The following KIFAP3 variants were observed in gnomAD, a reference collection of about 807,000 sequenced individuals.
KIFAP3 encodes kinesin associated protein 3, also known as kinesin-associated protein 3.
Under a neutral mutation model 106.5 loss-of-function variants are expected in KIFAP3, and 68 were observed. The ratio of observed to expected loss-of-function variants is 0.64; its 90% confidence interval spans 0.53 to 0.78. The LOEUF (loss-of-function observed/expected upper bound fraction) is 0.78, where lower values mean the gene tolerates loss of function less well. KIFAP3 is among the 30% of genes least tolerant of loss of function. KIFAP3 has a pLI of 0.00. For missense variants in KIFAP3, 780 were observed against 941.8 expected (o/e 0.83, Z 2.25); for synonymous variants, 320 against 311.5 (o/e 1.03, Z -0.29).
intron 10 of KIFAP3, among the ~76,000 whole-genome samples, chr1:170,005,301 A>T (rs1667891825): frequency 6.6e-6 from 1 of 152,206 alleles, no homozygotes; most frequent in South Asian, 2.1e-4. Context: ...CAGTCTGGTG[A>T]TTCCTCAGGG....
At chr1:169,993,008 T>C (rs983780367) in intron 10 of KIFAP3, among the ~76,000 whole-genome samples, 1 of 151,860 alleles carries the variant, frequency 6.6e-6, no homozygotes, top group Non-Finnish European at 1.5e-5. Flanking sequence ...AAAAACAATA[T>C]CCTTTTTGAA....
chr1:170,022,330 T>A (rs558534271), intron 9 of KIFAP3, among the ~76,000 whole-genome samples: 1 of 152,070 alleles, frequency 6.6e-6, no homozygotes, highest in Non-Finnish European at 1.5e-5. Context: ...TTACCAACAA[T>A]CTATCAGCAA....
intron 16 of KIFAP3, among the ~76,000 whole-genome samples, chr1:169,973,119 A>G (rs1666014931): frequency 7.1e-6 from 1 of 141,548 alleles, no homozygotes; most frequent in South Asian, 2.2e-4. Context: ...ATATATATAT[A>G]TATAAACAAC....
chr1:170,041,733 C>T lies in KIFAP3; in HGVS notation c.320-2445G>A, dbSNP rs750359801. 64 of 1,534,892 alleles carry T rather than the reference C, an allele frequency of 4.2e-5. 1 individual carries two copies. Among genetic ancestry groups the T allele is most frequent in the East Asian group, 2.7e-4 (11 of 40,920 alleles). ...AGTTTCTGAATCTGAAAGACTTCTCCGGTAAGTGTTGCCAAGGGCAATCGA... is the reference window on the plus strand; with the variant it reads ...AGTTTCTGAATCTGAAAGACTTCTCTGGTAAGTGTTGCCAAGGGCAATCGA... On this transcript the variant is annotated intron_variant, in intron 3 of 19. Transcript: ENST00000361580.
intron 19 of KIFAP3, among the ~76,000 whole-genome samples, chr1:169,929,776 G>A (rs1476506480): frequency 6.6e-6 from 1 of 151,526 alleles, no homozygotes; most frequent in East Asian, 1.9e-4. Flanking sequence ...AAAAATCAAG[G>A]GCAAATTATA....
chr1:170,008,818 CAT>C (rs1391851355), intron 10 of KIFAP3, among the ~76,000 whole-genome samples: 4 of 152,182 alleles, frequency 2.6e-5, no homozygotes, highest in East Asian at 1.9e-4. Context: ...CACATGCACA[CAT>C]ATGTTTACTG....
chr1:170,051,537 A>G (rs1670575836), intron 2 of KIFAP3, among the ~76,000 whole-genome samples: 1 of 152,254 alleles, frequency 6.6e-6, no homozygotes, highest in African/African-American at 2.4e-5. Flanking sequence ...TAAACAGAAT[A>G]TACATTTTTC....
At chr1:169,961,316 A>T (rs1665319651) in intron 17 of KIFAP3, 81 bp from the exon 18 acceptor site, 1 of 1,074,376 alleles carries the variant, frequency 9.3e-7, no homozygotes, top group African/African-American at 1.6e-5. Flanking sequence ...ATCTCTTGAG[A>T]ATTTTGGGGG....
intron 8 of KIFAP3, among the ~76,000 whole-genome samples, chr1:170,030,878 T>C (rs975391433): frequency 6.6e-6 from 1 of 151,724 alleles, no homozygotes; most frequent in African/African-American, 2.4e-5. Flanking sequence ...TTGATTATGG[T>C]CATTATTTCA....
chr1:169,997,861 C>T (rs1214573677), intron 10 of KIFAP3, among the ~76,000 whole-genome samples: 43 of 77,880 alleles, frequency 5.5e-4, no homozygotes, highest in Non-Finnish European at 7.8e-4. Context: ...CTGAGTGAGA[C>T]GTCTCAAAAA....
At chr1:169,982,550 T>A in intron 14 of KIFAP3, 152 bp downstream of exon 14, 1 of 485,548 alleles carries the variant, frequency 2.1e-6, no homozygotes, top group Non-Finnish European at 3.7e-6. Flanking sequence ...TAAGAGGTGA[T>A]CCAGTGACTA....
chr1:169,941,252 C>T (rs1255900361), intron 19 of KIFAP3, among the ~76,000 whole-genome samples: 1 of 152,048 alleles, frequency 6.6e-6, no homozygotes, highest in African/African-American at 2.4e-5. Context: ...TCTGAAAAGG[C>T]CCTGTGAGTG....
intron 1 of KIFAP3, among the ~76,000 whole-genome samples, chr1:170,061,980 A>C (rs1406167548): frequency 1.3e-5 from 2 of 152,108 alleles, no homozygotes; most frequent in African/African-American, 4.8e-5. Context: ...ACTTGGACAC[A>C]GAATGGGGAA....
At chr1:169,945,145 GC>G (rs1053179456) in intron 19 of KIFAP3, among the ~76,000 whole-genome samples, 20 of 19,632 alleles carry the variant, frequency 1.0e-3, no homozygotes, top group South Asian at 7.8e-3. Context: ...GCAGTGGGGG[GC>G]GGGGGGGGGC....
intron 11 of KIFAP3, among the ~76,000 whole-genome samples, chr1:169,986,742 G>T (rs1297418457): frequency 1.3e-5 from 2 of 151,770 alleles, no homozygotes; most frequent in African/African-American, 4.8e-5. Flanking sequence ...TTTTCAATCT[G>T]AGAATCGGTT....
chr1:169,928,740 G>A (rs544211820), intron 19 of KIFAP3, among the ~76,000 whole-genome samples: 4 of 125,362 alleles, frequency 3.2e-5, no homozygotes. Flanking sequence ...ATACCTTTAC[G>A]AGTTGGGGAC....
chr1:170,070,249 T>C (rs1458438949), intron 1 of KIFAP3, among the ~76,000 whole-genome samples: 1 of 152,128 alleles, frequency 6.6e-6, no homozygotes, highest in East Asian at 1.9e-4. Flanking sequence ...TATAGATTCA[T>C]TATATTCCCA....
intron 18 of KIFAP3, among the ~76,000 whole-genome samples, chr1:169,960,576 G>A (rs959443287): frequency 5.3e-5 from 8 of 152,050 alleles, no homozygotes; most frequent in Admixed American, 1.3e-4. Flanking sequence ...TTACTCTAAA[G>A]TGCCTAAATC....
intron 19 of KIFAP3, among the ~76,000 whole-genome samples, chr1:169,936,403 T>C (rs1255746021): frequency 1.3e-5 from 2 of 151,830 alleles, no homozygotes; most frequent in Non-Finnish European, 1.5e-5. Context: ...AATATCTCTA[T>C]TACAAAGACA....
Sources: gnomAD v4.1 joint callset for allele counts (sites outside exome capture counted in the v4.1 genomes callset) on GRCh38, gnomAD v4.1.1 for gene constraint, MANE v1.5 for transcripts, NCBI Gene and HGNC (gene_info 2026-07-23, HGNC 2026-07-21) for gene names.